USP31: variants seen among roughly 807,000 people sequenced by gnomAD.
USP31 encodes the protein ubiquitin specific peptidase 31, also known as ubiquitin carboxyl-terminal hydrolase 31.
A neutral mutation model predicts 119.4 loss-of-function variants in USP31; 44 were observed. The ratio of observed to expected loss-of-function variants is 0.37; its 90% confidence interval spans 0.29 to 0.47. The LOEUF is 0.47. USP31 is among the 20% of genes least tolerant of loss of function. The pLI, the probability that USP31 is intolerant of heterozygous loss-of-function variation, is 0.99. For missense variants in USP31, 1,643 were observed against 1,730.2 expected (o/e 0.95, Z 0.89); for synonymous variants, 749 against 705.6 (o/e 1.06, Z -0.97).
chr16:23,079,934 C>G lies in USP31; in HGVS notation c.2176+12G>C. The G allele has an allele frequency of 6.3e-7, 1 of 1,586,526 alleles. No homozygotes were observed. The highest frequency in any genetic ancestry group is 8.6e-7 in the Non-Finnish European group (1 of 1,168,042). On this transcript the variant is annotated intron_variant, in intron 13 of 15. Coordinates refer to ENST00000219689, the MANE Select transcript of USP31 (RefSeq NM_020718.4). ...TCGCCAGCACAGACACGCAGCCTCT[C>G]ACACTGCAGACCTGTGTAGTGCCCC...
intron 6 of USP31, among the ~76,000 whole-genome samples, chr16:23,099,870 AT>A (rs147063050): frequency 7.1e-4 from 108 of 152,376 alleles, no homozygotes; most frequent in African/African-American, 2.4e-3. Flanking sequence ...TGGGTAAAAT[AT>A]TTGAATGGAC....
chr16:23,111,136 A>ATAAATAAATAATTAAT (rs1448770762), intron 1 of USP31, among the ~76,000 whole-genome samples: 1 of 152,114 alleles, frequency 6.6e-6, no homozygotes, highest in Non-Finnish European at 1.5e-5. Flanking sequence ...TCAAAAATAA[A>ATAAATAAATAATTAAT]TAAATAAATA....
chr16:23,068,106 G>T lies in USP31; in HGVS notation c.3999C>A (p.Ser1333=), dbSNP rs1363442785. The T allele has an allele frequency of 2.5e-6, 4 of 1,613,842 alleles. No individual in the cohort carries two copies. In the Admixed American group the frequency reaches 6.7e-5, roughly 27 times the overall value. Reference sequence around the variant, plus strand: ...GCATGCTAGAAGATAACTTTTTTGAGGATTTCTCTGCAGACTGCCTGCCAC... The same window carrying T: ...GCATGCTAGAAGATAACTTTTTTGATGATTTCTCTGCAGACTGCCTGCCAC... The part of the protein sequence containing the change: ...SPGGRQSAEK[S]SKKLSSSMQT... Residue 1333 remains serine (S), a synonymous_variant, in exon 16 of 16, where the codon TCC becomes TCA. Transcript: ENST00000219689.
Position 23,085,761 on chromosome 16 carries a change from G to A in USP31, c.1623-99C>T, listed in dbSNP as rs978310948. On this transcript the variant is annotated intron_variant, in intron 9 of 15. Transcript: ENST00000219689. ...TGTCCTACCCAAAATCATAATTTCA[G>A]GTGATTAATGAAAATCTTCATCATA... is the stretch of plus-strand genomic sequence containing the variant. 3.4e-5 allele frequency: 37 copies of A among 1,075,282 alleles called. No individual in the cohort carries two copies. In the African/African-American group the frequency reaches 4.1e-4, roughly 12 times the overall value. 66.6% of individuals were successfully genotyped at this position (1,075,282 alleles called of 1,614,324 possible).
In USP31 at chr16:23,132,549, G is replaced by C. The variant is rs201655583; in HGVS notation, c.633+16089C>G. ...ACTAAAAACTTTAAGTCACACAAAGGAAGACATAAAACAACTAACTCAGGA... is the reference window on the plus strand; with the variant it reads ...ACTAAAAACTTTAAGTCACACAAAGCAAGACATAAAACAACTAACTCAGGA... On this transcript the variant is annotated intron_variant, in intron 1 of 15. Coordinates refer to ENST00000219689, the MANE Select transcript of USP31 (RefSeq NM_020718.4). Among the ~76,000 whole-genome samples, 11 of 152,186 alleles carry C rather than the reference G, an allele frequency of 7.2e-5. No individual in the cohort carries two copies. The East Asian group carries it at 2.1e-3, about 29-fold the overall frequency.
chr16:23,065,746 T>C lies in USP31; in HGVS notation c.*2300A>G, dbSNP rs928386365. ...ACATCGTGGAAAATCCATTCCTAGATAACTCAAGAATAAAAATATTTACCA... is the reference window on the plus strand; with the variant it reads ...ACATCGTGGAAAATCCATTCCTAGACAACTCAAGAATAAAAATATTTACCA... On this transcript the variant is annotated 3_prime_UTR_variant, in exon 16 of 16. Coordinates refer to ENST00000219689, the MANE Select transcript of USP31 (RefSeq NM_020718.4). 9 of 152,140 alleles carry C rather than the reference T, an allele frequency of 5.9e-5. No homozygotes were observed. Among genetic ancestry groups the C allele is most frequent in the African/African-American group, 2.2e-4 (9 of 41,432 alleles). 9.4% of individuals were successfully genotyped at this position (152,140 alleles called of 1,614,324 possible).
At chr16:23,138,254 T>C (rs1300185048) in intron 1 of USP31, among the ~76,000 whole-genome samples, 1 of 152,228 alleles carries the variant, frequency 6.6e-6, no homozygotes, top group Non-Finnish European at 1.5e-5. Flanking sequence ...AACTCTATCC[T>C]AAACTACCAA....
At chr16:23,089,105 G>C (rs1369686513) in intron 7 of USP31, among the ~76,000 whole-genome samples, 1 of 152,084 alleles carries the variant, frequency 6.6e-6, no homozygotes, top group Non-Finnish European at 1.5e-5. Context: ...CATCATGAAG[G>C]GAATTCCACA....
At chr16:23,123,980 C>CA (rs563881957) in intron 1 of USP31, among the ~76,000 whole-genome samples, 118 of 150,186 alleles carry the variant, frequency 7.9e-4, no homozygotes, top group Non-Finnish European at 9.0e-4. Context: ...GCCTGGGAGA[C>CA]AGAGTGAGAT....
intron 5 of USP31, among the ~76,000 whole-genome samples, chr16:23,103,125 G>C (rs561666316): frequency 1.3e-5 from 2 of 152,230 alleles, no homozygotes; most frequent in South Asian, 4.1e-4. Flanking sequence ...AAGAGAACCA[G>C]GAGATCATAA....
At chr16:23,070,449 C>T (rs897547945) in intron 15 of USP31, among the ~76,000 whole-genome samples, 5 of 152,114 alleles carry the variant, frequency 3.3e-5, no homozygotes, top group Admixed American at 1.3e-4. Context: ...CGTGGTGGCT[C>T]ATGCCTGTAA....
At chr16:23,083,526 C>A (rs1596693447) in intron 11 of USP31, among the ~76,000 whole-genome samples, 1 of 149,536 alleles carries the variant, frequency 6.7e-6, no homozygotes, top group African/African-American at 2.5e-5. Context: ...TGTGGAATAC[C>A]AGTGCTGCCA....
At position 23,087,099 on chromosome 16, in the gene USP31, C is replaced by G. The variant is rs778210150; in HGVS notation, c.1615G>C (p.Val539Leu). 3.1e-6 allele frequency: 5 copies of G among 1,611,810 alleles called. No individual in the cohort carries two copies. Among genetic ancestry groups the G allele is most frequent in the Non-Finnish European group, 3.4e-6 (4 of 1,179,368 alleles). Residue 539 changes from valine (V) to leucine (L), a missense_variant, in exon 9 of 16, where the codon GTA becomes CTA. By Grantham distance (32) the Val-to-Leu change is conservative. This residue lies in a region of USP31 where 219 missense variants were observed against 226.4 expected (regional missense o/e 0.97). Transcript: ENST00000219689. Reference sequence around the variant, plus strand: ...AAAAAAAATTTTTTTTACCTTTCTACTATTGGGTGGCACAAGGGCTGCTCC... The same window carrying G: ...AAAAAAAATTTTTTTTACCTTTCTAGTATTGGGTGGCACAAGGGCTGCTCC... ...QEEQPLCHPI[V>L]ERALKSCGPG...
intron 6 of USP31, among the ~76,000 whole-genome samples, chr16:23,095,705 A>G (rs1193363194): frequency 6.6e-6 from 1 of 152,234 alleles, no homozygotes. Flanking sequence ...ATATTCTTAA[A>G]GAAAAGAATT....
At chr16:23,100,011 AAGAGTC>A (rs1901779962) in intron 6 of USP31, among the ~76,000 whole-genome samples, 1 of 152,216 alleles carries the variant, frequency 6.6e-6, no homozygotes, top group South Asian at 2.1e-4. Flanking sequence ...GCTAAAATTA[AAGAGTC>A]AGATAATAAT....
At position 23,065,745 on chromosome 16, in the gene USP31, A is replaced by G. The variant is rs1900040650; in HGVS notation, c.*2301T>C. 1 of 152,134 alleles carries G rather than the reference A, an allele frequency of 6.6e-6. No individual in the cohort carries two copies. The allele number at this position is 152,134 out of a possible 1,614,324, so 9.4% of individuals were successfully genotyped here. On this transcript the variant is annotated 3_prime_UTR_variant, in exon 16 of 16. Coordinates refer to ENST00000219689, the MANE Select transcript of USP31 (RefSeq NM_020718.4). ...GACATCGTGGAAAATCCATTCCTAG[A>G]TAACTCAAGAATAAAAATATTTACC...
chr16:23,131,173 G>A (rs1469600453), intron 1 of USP31, among the ~76,000 whole-genome samples: 1 of 152,142 alleles, frequency 6.6e-6, no homozygotes, highest in Non-Finnish European at 1.5e-5. Flanking sequence ...GCATGGTAGT[G>A]TGCACCTGCA....
At chr16:23,078,107 A>G (rs563452161) in intron 13 of USP31, among the ~76,000 whole-genome samples, 1 of 151,986 alleles carries the variant, frequency 6.6e-6, no homozygotes, top group African/African-American at 2.4e-5. Context: ...AGGTCAGGAG[A>G]TCGAGACCAT....
chr16:23,144,264 T>C lies in USP31; in HGVS notation c.633+4374A>G, dbSNP rs115303944. On this transcript the variant is annotated intron_variant, in intron 1 of 15. Coordinates refer to ENST00000219689, the MANE Select transcript of USP31 (RefSeq NM_020718.4). ...AGTGCTTTTCTAACCTCAAGGTAACTATCTCAAGATGGCAAATTGGTTTTA... is the reference window on the plus strand; with the variant it reads ...AGTGCTTTTCTAACCTCAAGGTAACCATCTCAAGATGGCAAATTGGTTTTA... 4.0e-3 allele frequency among the ~76,000 whole-genome samples: 607 copies of C among 152,332 alleles called. 7 individuals carry two copies. Among genetic ancestry groups the C allele is most frequent in the African/African-American group, 0.013 (550 of 41,578 alleles).
Sources: allele counts gnomAD v4.1 joint callset (sites outside exome capture counted in the v4.1 genomes callset), GRCh38; gene constraint gnomAD v4.1.1; regional missense constraint gnomAD v4.1.1; transcripts MANE v1.5; gene names NCBI Gene and HGNC (gene_info 2026-07-23, HGNC 2026-07-21).